The following KIAA1671 variants were observed in gnomAD, a reference collection of about 807,000 sequenced individuals.
KIAA1671 encodes the protein uncharacterized protein KIAA1671.
KIAA1671 carries 52 observed loss-of-function variants against 131.2 expected under a neutral mutation model. The ratio of observed to expected loss-of-function variants is 0.40; its 90% CI spans 0.32 to 0.50. The LOEUF is 0.50. KIAA1671 is among the 20% of genes least tolerant of loss of function. The pLI is 0.73. For synonymous variants in KIAA1671, 1,003 were observed against 961.6 expected (o/e 1.04, Z -0.80); for missense variants, 2,360 against 2,364.2 (o/e 1.00, Z 0.04).
chr22:24,988,473 G>C (rs1374948982), intron 1 of KIAA1671, among the ~76,000 whole-genome samples: 1 of 151,816 alleles, frequency 6.6e-6, no homozygotes, highest in Non-Finnish European at 1.5e-5. Flanking sequence ...TGGGTGTGGT[G>C]GTCATGCCTG....
At chr22:25,086,444 A>G (rs1413470139) in intron 6 of KIAA1671, among the ~76,000 whole-genome samples, 1 of 152,218 alleles carries the variant, frequency 6.6e-6, no homozygotes, top group Non-Finnish European at 1.5e-5. Flanking sequence ...GGAGTGAGTG[A>G]GTGCATAAAT....
Position 25,194,300 on chromosome 22 carries a change from T to C in KIAA1671, c.*1899T>C, listed in dbSNP as rs1419246773. 2.0e-5 allele frequency: 3 copies of C among 152,276 alleles called. No individual in the cohort carries two copies. The East Asian group carries it at 5.8e-4, about 29-fold the overall frequency. The allele number at this position is 152,276 out of a possible 1,614,324, so 9.4% of individuals were successfully genotyped here. On this transcript the variant is annotated 3_prime_UTR_variant, in exon 13 of 13. Coordinates refer to ENST00000358431, the MANE Select transcript of KIAA1671 (RefSeq NM_001145206.2). ...CATGTTGCCCAGGCTGGTCTCGAAC[T>C]TCTGGGCTCAAGCAATTGTCCCTCC...
At chr22:25,155,584 G>C (rs1045702212) in intron 6 of KIAA1671, among the ~76,000 whole-genome samples, 1 of 151,538 alleles carries the variant, frequency 6.6e-6, no homozygotes, top group African/African-American at 2.4e-5. Flanking sequence ...GTGTACATTT[G>C]TGCATGTGTA....
chr22:24,992,355 C>T (rs1052582473), intron 1 of KIAA1671, among the ~76,000 whole-genome samples: 1 of 152,072 alleles, frequency 6.6e-6, no homozygotes, highest in African/African-American at 2.4e-5. Flanking sequence ...ATGTACTTAC[C>T]GTGTGCCTGT....
rs913039885 is a variant in KIAA1671, at chr22:25,028,725, C to T, written c.726C>T (p.Pro242=). The change falls in exon 3 of 13, where the codon CCC becomes CCT. Residue 242 remains proline (P), a synonymous_variant. Transcript: ENST00000358431. ...CCAGGCCTCGCCTGAAGAGAAGGCC[C>T]GTGTCTGCCATTTTCACGGAGTCCA... The part of the protein sequence containing the change: ...VEPRPRLKRR[P]VSAIFTESIQ... 9.2e-4 allele frequency: 1,434 copies of T among 1,551,194 alleles called. 13 individuals carry two copies. In the African/African-American group the frequency reaches 0.016, roughly 17 times the overall value.
intron 1 of KIAA1671, among the ~76,000 whole-genome samples, chr22:25,004,878 GGAGCTTGCAGT>G (rs1267952239): frequency 2.6e-5 from 4 of 151,676 alleles, no homozygotes; most frequent in African/African-American, 7.3e-5. Context: ...CCCAGGAGGC[GGAGCTTGCAGT>G]GAGCTGAGAT....
chr22:25,013,652 T>C (rs755594988), intron 1 of KIAA1671: 2 of 152,252 alleles, frequency 1.3e-5, no homozygotes, highest in Non-Finnish European at 2.9e-5. Flanking sequence ...GTGTTTTATG[T>C]TGAATTGAGC....
rs912434670 is a variant in KIAA1671, at chr22:25,039,902, G to A, written c.2772G>A (p.Pro924=). 158 of 1,551,542 alleles carry A rather than the reference G, an allele frequency of 1.0e-4. No homozygotes were observed. In the African/African-American group the frequency reaches 2.0e-3, roughly 19 times the overall value. Reference sequence around the variant, plus strand: ...CCGCCAGGGAGGGTGATCCAGGGCCGGCCCAGGTGCCACAGCCTGCAGTCA... The same window carrying A: ...CCGCCAGGGAGGGTGATCCAGGGCCAGCCCAGGTGCCACAGCCTGCAGTCA... ...IVAAREGDPG[P]AQVPQPAVRM... Residue 924 remains proline (P), a synonymous_variant, in exon 5 of 13, where the codon CCG becomes CCA. Coordinates refer to ENST00000358431, the MANE Select transcript of KIAA1671 (RefSeq NM_001145206.2).
chr22:25,185,229 T>A, intron 11 of KIAA1671, 110 bp downstream of exon 11: 1 of 1,140,086 alleles, frequency 8.8e-7, no homozygotes, highest in Non-Finnish European at 1.2e-6. Context: ...TACAACTTTT[T>A]AATTTTCTCT....
At position 25,119,196 on chromosome 22, in the gene KIAA1671, C is replaced by T. The variant is rs143641134; in HGVS notation, c.4531-51624C>T. Among the ~76,000 whole-genome samples the T allele has an allele frequency of 5.4e-3, 819 of 152,244 alleles. 5 individuals carry two copies. The highest frequency in any genetic ancestry group is 7.4e-3 in the Non-Finnish European group (506 of 68,020). ...AATCCACTGTCCTTCATTCTTGTGT[C>T]CACCCTGTGACACCACCTCCATATT... is the stretch of plus-strand genomic sequence containing the variant. On this transcript the variant is annotated intron_variant, in intron 6 of 12. Transcript: ENST00000358431.
chr22:25,000,602 T>C (rs868468770), intron 1 of KIAA1671, among the ~76,000 whole-genome samples: 1 of 151,228 alleles, frequency 6.6e-6, no homozygotes, highest in Non-Finnish European at 1.5e-5. Context: ...CTGCAACCTC[T>C]GCCTCCTGGG....
In KIAA1671 at chr22:25,184,958, A is replaced by G. The variant is rs2146042052; in HGVS notation, c.5200-19A>G. On this transcript the variant is annotated intron_variant, in intron 10 of 12. Coordinates refer to ENST00000358431, the MANE Select transcript of KIAA1671 (RefSeq NM_001145206.2). ...CAGACAAAGGGCAGCTTATAGACTC[A>G]GCTCTCTTTTCTCCCCAGGCTCAGC... The G allele has an allele frequency of 6.4e-7, 1 of 1,550,882 alleles. No homozygotes were observed.
At chr22:25,097,656 C>T (rs942125894) in intron 6 of KIAA1671, among the ~76,000 whole-genome samples, 7 of 151,808 alleles carry the variant, frequency 4.6e-5, no homozygotes, top group South Asian at 4.2e-4. Flanking sequence ...AGGAGAATGG[C>T]GTGAACCTGG....
chr22:25,089,592 A>G (rs1929922867), intron 6 of KIAA1671, among the ~76,000 whole-genome samples: 1 of 152,068 alleles, frequency 6.6e-6, no homozygotes. Flanking sequence ...TTAATTTTTA[A>G]CACAATCAGA....
At chr22:25,106,516 C>T (rs1393210046) in intron 6 of KIAA1671, among the ~76,000 whole-genome samples, 1 of 152,112 alleles carries the variant, frequency 6.6e-6, no homozygotes, top group East Asian at 1.9e-4. Context: ...TCTCTGAAAA[C>T]CAGAGAAGTC....
At chr22:25,071,387 T>TGGGA (rs1210904246) in intron 6 of KIAA1671, among the ~76,000 whole-genome samples, 1 of 152,140 alleles carries the variant, frequency 6.6e-6, no homozygotes, top group Non-Finnish European at 1.5e-5. Flanking sequence ...TCCCAGAGTG[T>TGGGA]CTCACCTCCC....
chr22:25,047,305 C>T (rs1164189930), intron 5 of KIAA1671, among the ~76,000 whole-genome samples: 1 of 151,384 alleles, frequency 6.6e-6, no homozygotes, highest in Non-Finnish European at 1.5e-5. Context: ...CATGTGCCAC[C>T]TTGCCCAGCT....
chr22:25,180,322 C>T (rs1473789961), intron 9 of KIAA1671, among the ~76,000 whole-genome samples: 2 of 152,180 alleles, frequency 1.3e-5, no homozygotes, highest in South Asian at 2.1e-4. Context: ...GGGTGGATCA[C>T]GAGGTCAGAA....
intron 1 of KIAA1671, among the ~76,000 whole-genome samples, chr22:24,967,759 A>C (rs537111514): frequency 2.0e-5 from 3 of 152,246 alleles, no homozygotes; most frequent in South Asian, 4.1e-4. Context: ...CTGGGAGGCC[A>C]AGGTGGGCGG....
Sources: allele counts gnomAD v4.1 joint callset (sites outside exome capture counted in the v4.1 genomes callset), GRCh38; gene constraint gnomAD v4.1.1; transcripts MANE v1.5; gene names NCBI Gene and HGNC (gene_info 2026-07-23, HGNC 2026-07-21).